The following LRRC4C variants were observed in gnomAD, a reference collection of about 807,000 sequenced individuals.
LRRC4C encodes leucine rich repeat containing 4C, also known as leucine-rich repeat-containing protein 4C.
A neutral mutation model predicts 33.6 loss-of-function variants in LRRC4C; 5 were observed. The ratio of observed to expected loss-of-function variants is 0.15; its 90% confidence interval spans 0.08 to 0.31. LRRC4C has a LOEUF of 0.31. LRRC4C is among the 10% of genes least tolerant of loss of function. The pLI, the probability that LRRC4C is intolerant of heterozygous loss-of-function variation, is 1.00. For missense variants in LRRC4C, 560 were observed against 796.7 expected, an observed-to-expected ratio of 0.70 and a Z score of 3.58; for synonymous variants, 329 against 302.0, an observed-to-expected ratio of 1.09 and a Z score of -0.93.
intron 2 of LRRC4C, among the ~76,000 whole-genome samples, chr11:40,729,060 T>G (rs182537002): frequency 1.7e-3 from 266 of 152,248 alleles, no homozygotes; most frequent in Middle Eastern, 0.01. Flanking sequence ...ACAGGATCAA[T>G]AGAAGCTTAA....
intron 1 of LRRC4C, among the ~76,000 whole-genome samples, chr11:41,038,377 G>A (rs1271417948): frequency 6.6e-6 from 1 of 152,202 alleles, no homozygotes; most frequent in Non-Finnish European, 1.5e-5. Context: ...CTATAAGCCA[G>A]TTAATCCTCT....
chr11:40,467,971 G>A (rs749802573), intron 3 of LRRC4C, among the ~76,000 whole-genome samples: 1 of 152,172 alleles, frequency 6.6e-6, no homozygotes, highest in Non-Finnish European at 1.5e-5. Flanking sequence ...TGACAAGGCT[G>A]TGCAAATTTG....
intron 1 of LRRC4C, among the ~76,000 whole-genome samples, chr11:41,151,989 C>T (rs769034854): frequency 1.2e-4 from 19 of 152,266 alleles, no homozygotes; most frequent in Admixed American, 4.6e-4. Context: ...AGATAACTTC[C>T]ATTCACCCAG....
intron 5 of LRRC4C, among the ~76,000 whole-genome samples, chr11:40,196,958 A>G (rs1862312153): frequency 6.6e-6 from 1 of 152,168 alleles, no homozygotes; most frequent in South Asian, 2.1e-4. Flanking sequence ...TACTGGGTAA[A>G]ATTGCTTGCT....
intron 1 of LRRC4C, among the ~76,000 whole-genome samples, chr11:41,250,607 G>A (rs938134844): frequency 1.3e-5 from 2 of 152,146 alleles, no homozygotes; most frequent in Non-Finnish European, 2.9e-5. Flanking sequence ...TGATGACTTG[G>A]CATTTTTTTA....
chr11:40,627,848 G>A (rs1024588218), intron 3 of LRRC4C, among the ~76,000 whole-genome samples: 1 of 152,106 alleles, frequency 6.6e-6, no homozygotes, highest in Non-Finnish European at 1.5e-5. Flanking sequence ...CTATAGAAAG[G>A]CTCCAGCTCT....
At chr11:41,410,739 C>T (rs900570162) in intron 1 of LRRC4C, among the ~76,000 whole-genome samples, 2 of 151,864 alleles carry the variant, frequency 1.3e-5, no homozygotes, top group African/African-American at 2.4e-5. Context: ...CGCGCCTGGC[C>T]GAGAAAGTTA....
At chr11:41,115,040 T>C (rs1369881932) in intron 1 of LRRC4C, among the ~76,000 whole-genome samples, 1 of 152,086 alleles carries the variant, frequency 6.6e-6, no homozygotes, top group Non-Finnish European at 1.5e-5. Flanking sequence ...TACATGTTTA[T>C]AGGAGTTTAT....
chr11:40,316,134 G>A (rs187450060), intron 4 of LRRC4C, among the ~76,000 whole-genome samples: 1 of 152,022 alleles, frequency 6.6e-6, no homozygotes, highest in African/African-American at 2.4e-5. Flanking sequence ...TCCCACAGAT[G>A]TGATAATAGC....
chr11:41,190,810 C>T (rs1945911946), intron 1 of LRRC4C, among the ~76,000 whole-genome samples: 1 of 152,158 alleles, frequency 6.6e-6, no homozygotes, highest in African/African-American at 2.4e-5. Context: ...AAAGCCCTTT[C>T]AGAATAATTA....
At chr11:40,920,847 G>T (rs1957141753) in intron 2 of LRRC4C, among the ~76,000 whole-genome samples, 1 of 151,898 alleles carries the variant, frequency 6.6e-6, no homozygotes, top group Non-Finnish European at 1.5e-5. Flanking sequence ...ATGGCATTTT[G>T]CAGATTTGAT....
At chr11:40,714,572 T>C (rs1470082605) in intron 2 of LRRC4C, among the ~76,000 whole-genome samples, 1 of 152,176 alleles carries the variant, frequency 6.6e-6, no homozygotes, top group Non-Finnish European at 1.5e-5. Flanking sequence ...TGTATGAAAC[T>C]TGTCCTGCTA....
At chr11:40,264,913 A>G (rs1262488268) in intron 4 of LRRC4C, among the ~76,000 whole-genome samples, 1 of 152,226 alleles carries the variant, frequency 6.6e-6, no homozygotes, top group Non-Finnish European at 1.5e-5. Flanking sequence ...CTATTAGGCT[A>G]CTTCAGGAAA....
At chr11:41,154,189 C>G (rs1944125153) in intron 1 of LRRC4C, among the ~76,000 whole-genome samples, 1 of 152,130 alleles carries the variant, frequency 6.6e-6, no homozygotes, top group Non-Finnish European at 1.5e-5. Flanking sequence ...TAAAGCTAAA[C>G]CTTACTTTGC....
chr11:40,867,854 C>T (rs1242407280), intron 2 of LRRC4C, among the ~76,000 whole-genome samples: 4 of 152,290 alleles, frequency 2.6e-5, no homozygotes, highest in African/African-American at 7.2e-5. Flanking sequence ...CTCAGCTTGC[C>T]TCACCCCATC....
intron 3 of LRRC4C, among the ~76,000 whole-genome samples, chr11:40,336,552 C>A (rs1946612312): frequency 3.9e-5 from 6 of 152,128 alleles, no homozygotes; most frequent in Admixed American, 3.9e-4. Flanking sequence ...CTATCCTCTA[C>A]TGTATTACGC....
At chr11:41,187,111 A>G (rs1945727748) in intron 1 of LRRC4C, among the ~76,000 whole-genome samples, 1 of 152,136 alleles carries the variant, frequency 6.6e-6, no homozygotes, top group African/African-American at 2.4e-5. Context: ...TGGGAAGGGG[A>G]GCAGGGGAAG....
At position 40,909,694 on chromosome 11, in the gene LRRC4C, C is replaced by T. The variant is rs192991995; in HGVS notation, c.-407+23941G>A. Reference sequence around the variant, plus strand: ...GCAGAGTGGGAGGAAACCCATGACTCATATCTTTTGACCTTCTGCCTTTGT... The same window carrying T: ...GCAGAGTGGGAGGAAACCCATGACTTATATCTTTTGACCTTCTGCCTTTGT... On this transcript the variant is annotated intron_variant, in intron 2 of 6. Transcript: ENST00000528697. Among the ~76,000 whole-genome samples the T allele has an allele frequency of 1.7e-3, 259 of 152,212 alleles. 5 individuals carry two copies. The highest frequency in any genetic ancestry group is 2.2e-4 in the Non-Finnish European group (15 of 67,980).
At chr11:40,845,418 T>G (rs4465359) in intron 2 of LRRC4C, among the ~76,000 whole-genome samples, 3,436 of 152,196 alleles carry the variant, frequency 0.023, 137 homozygotes, top group African/African-American at 0.077. Context: ...TGGCCAGAAC[T>G]TCCAATGCGG....
Sources: gnomAD v4.1 joint callset for allele counts (sites outside exome capture counted in the v4.1 genomes callset) on GRCh38, gnomAD v4.1.1 for gene constraint, MANE v1.5 for transcripts, NCBI Gene and HGNC (gene_info 2026-07-23, HGNC 2026-07-21) for gene names.